The following BPIFC variants were observed in gnomAD, a reference collection of about 807,000 sequenced individuals.
BPIFC encodes the protein BPI fold-containing family C protein.
Under a neutral mutation model 57.6 loss-of-function variants are expected in BPIFC, and 60 were observed. That is an observed-to-expected ratio of 1.04 (90% CI 0.85 to 1.29). The LOEUF (loss-of-function observed/expected upper bound fraction) is 1.29, where lower values mean the gene tolerates loss of function less well. Among genes scored for constraint, BPIFC ranks in the 50% most tolerant of loss-of-function variants. The probability of loss-of-function intolerance (pLI) is 0.00; values close to 1 mark genes in which losing one functional copy is unlikely to be tolerated. For synonymous variants in BPIFC, 243 were observed against 224.5 expected, an observed-to-expected ratio of 1.08 and a Z score of -0.74; for missense variants, 581 against 600.5, an observed-to-expected ratio of 0.97 and a Z score of 0.34.
At chr22:32,446,450 C>A (rs1199135024) in intron 5 of BPIFC, among the ~76,000 whole-genome samples, 1 of 152,132 alleles carries the variant, frequency 6.6e-6, no homozygotes, top group Non-Finnish European at 1.5e-5. Context: ...TAGCATGTGG[C>A]CTGACACAGA....
Position 32,435,715 on chromosome 22 carries a change from A to T in BPIFC, c.913T>A (p.Ser305Thr). 1 of 1,613,710 alleles carries T rather than the reference A, an allele frequency of 6.2e-7. No individual in the cohort carries two copies. The highest frequency in any genetic ancestry group is 8.5e-7 in the Non-Finnish European group (1 of 1,179,798). ...FTAGVFNVTL[S>T]TEEISNHFVQ... ...TTAACTCTCCTCACCTCTTCGGTGG[A>T]GAGAGTGACATTGAAAACCCCAGCT... The change falls in exon 10 of 17, where the codon TCC becomes ACC. Residue 305 changes from serine to threonine, a missense_variant. Coordinates refer to ENST00000300399, the MANE Select transcript of BPIFC (RefSeq NM_174932.3).
chr22:32,462,186 A>AG (rs1568964088), intron 1 of BPIFC, among the ~76,000 whole-genome samples: 1 of 145,388 alleles, frequency 6.9e-6, no homozygotes, highest in Non-Finnish European at 1.5e-5. Flanking sequence ...AAAAAAAAAA[A>AG]AAAAGAAAAA....
At chr22:32,443,927 TAC>T (rs1934641259) in intron 7 of BPIFC, among the ~76,000 whole-genome samples, 1 of 152,142 alleles carries the variant, frequency 6.6e-6, no homozygotes, top group African/African-American at 2.4e-5. Context: ...GTCCCCTAAT[TAC>T]AGATGGGAAA....
intron 13 of BPIFC, among the ~76,000 whole-genome samples, chr22:32,423,577 G>GGTGGGTGGGTGTGTGTGT (rs1556036075): frequency 6.3e-5 from 9 of 143,198 alleles, no homozygotes; most frequent in Admixed American, 2.8e-4. Flanking sequence ...GTAGGGTGTG[G>GGTGGGTGGGTGTGTGTGT]GTGTGTGTGT....
At chr22:32,441,151 C>T (rs1353639053) in intron 8 of BPIFC, among the ~76,000 whole-genome samples, 1 of 152,112 alleles carries the variant, frequency 6.6e-6, no homozygotes, top group African/African-American at 2.4e-5. Flanking sequence ...GATATTCAGC[C>T]TCAGGGTTTT....
chr22:32,463,151 G>T (rs1184808073), intron 1 of BPIFC, among the ~76,000 whole-genome samples: 1 of 152,100 alleles, frequency 6.6e-6, no homozygotes, highest in Non-Finnish European at 1.5e-5. Context: ...AAATTACTGG[G>T]GTATGAAGGG....
chr22:32,437,834 T>G lies in BPIFC; in HGVS notation c.673A>C (p.Asn225His). The change falls in exon 9 of 17, where the codon AAC (asparagine) becomes CAC (histidine). Residue 225 changes from asparagine (N) to histidine (H), a missense_variant. Physicochemically the swap from Asn to His is moderately conservative, Grantham distance 68 (BLOSUM62 1). Coordinates refer to ENST00000300399, the MANE Select transcript of BPIFC (RefSeq NM_174932.3). ...STLEVLTKID[N>H]YTLLDYSLIS... The stretch of plus-strand genomic sequence containing the variant: ...AGGGAGTAATCCAGCAGAGTGTAGT[T>G]GTCAATCTTGGTTAAAACTAAATAA... 2 of 1,610,676 alleles carry G rather than the reference T, an allele frequency of 1.2e-6. No homozygotes were observed. Among genetic ancestry groups the G allele is most frequent in the Non-Finnish European group, 1.7e-6 (2 of 1,177,200 alleles).
At chr22:32,438,401 G>GT (rs1405907261) in intron 8 of BPIFC, among the ~76,000 whole-genome samples, 11 of 151,648 alleles carry the variant, frequency 7.3e-5, no homozygotes, top group South Asian at 2.1e-4. Flanking sequence ...TTTGTTTTTT[G>GT]TTTTTTTTGA....
intron 10 of BPIFC, 49 bp from the exon 11 acceptor site, chr22:32,433,821 T>C (rs1397742041): frequency 1.3e-6 from 2 of 1,493,974 alleles, no homozygotes; most frequent in Middle Eastern, 1.7e-4. Context: ...ACGTGGATTG[T>C]CTTTTCAGGG....
chr22:32,431,358 C>G lies in BPIFC; in HGVS notation c.1206G>C (p.Leu402Phe), dbSNP rs763873663. 18 of 1,611,424 alleles carry G rather than the reference C, an allele frequency of 1.1e-5. 1 individual carries two copies. The South Asian group carries it at 2.0e-4, about 18-fold the overall frequency. The change falls in exon 13 of 17, where the codon TTG becomes TTC. Residue 402 changes from leucine (L) to phenylalanine (F), a missense_variant. Leu to Phe is a conservative substitution (Grantham distance 22, BLOSUM62 0). Transcript: ENST00000300399. ...VILGQRLVCS[L>F]SLNRFRLALP... ...TTGATTGATCTTACCTGTTCAGAGA[C>G]AAGGAGCAGACCAGTCTTTGTCCCA...
intron 4 of BPIFC, 57 bp from the exon 5 acceptor site, chr22:32,447,397 A>G (rs751033593): frequency 3.1e-5 from 49 of 1,571,964 alleles, no homozygotes; most frequent in Non-Finnish European, 4.1e-5. Context: ...TCTTCAGTCA[A>G]GCAAACTTGG....
At chr22:32,433,070 G>A (rs1212395149) in intron 11 of BPIFC, among the ~76,000 whole-genome samples, 4 of 152,176 alleles carry the variant, frequency 2.6e-5, no homozygotes, top group African/African-American at 9.7e-5. Context: ...GGGCATAGTG[G>A]CTTGTGCCTG....
intron 4 of BPIFC, among the ~76,000 whole-genome samples, chr22:32,447,678 T>C (rs1395919800): frequency 6.6e-6 from 1 of 150,486 alleles, no homozygotes; most frequent in African/African-American, 2.4e-5. Context: ...TGATCATAGC[T>C]CACTGCAGCC....
intron 13 of BPIFC, among the ~76,000 whole-genome samples, chr22:32,429,805 G>A (rs1240683431): frequency 1.3e-5 from 2 of 151,918 alleles, no homozygotes; most frequent in African/African-American, 4.8e-5. Context: ...GTGAGCGACC[G>A]CGCCTGGCCA....
intron 6 of BPIFC, 33 bp downstream of exon 6, chr22:32,445,808 C>T (rs377259912): frequency 1.3e-6 from 2 of 1,575,648 alleles, no homozygotes; most frequent in Non-Finnish European, 1.7e-6. Context: ...CAGCCCCTAA[C>T]TAGCCACTGC....
At chr22:32,438,304 G>A (rs1934467795) in intron 8 of BPIFC, among the ~76,000 whole-genome samples, 1 of 152,196 alleles carries the variant, frequency 6.6e-6, no homozygotes, top group African/African-American at 2.4e-5. Flanking sequence ...ACTGCAGAAG[G>A]CAAAACTGCA....
In BPIFC at chr22:32,424,684, T is replaced by TTCCTCCTCTTCTTCCTCC. The variant is rs1569448076; in HGVS notation, c.1218-5281_1218-5280insGGAGGAAGAAGAGGAGGA. 6.5e-5 allele frequency among the ~76,000 whole-genome samples: 6 copies of TTCCTCCTCTTCTTCCTCC among 91,786 alleles called. 1 individual carries two copies. The highest frequency in any genetic ancestry group is 2.8e-4 in the African/African-American group (4 of 14,450). 60.2% of individuals were successfully genotyped at this position (91,786 alleles called of 152,430 possible). On this transcript the variant is annotated intron_variant, in intron 13 of 16. Transcript: ENST00000300399. ...CTTCTTCTTCTTCTTCTTCTTCTTC[T>TTCCTCCTCTTCTTCCTCC]TCTTCTTCCTCTTCTTCTTCCTCTT...
chr22:32,417,028 G>T, intron 15 of BPIFC, 57 bp downstream of exon 15: 2 of 1,350,168 alleles, frequency 1.5e-6, no homozygotes, highest in Non-Finnish European at 2.1e-6. Flanking sequence ...TGCAGCCGAT[G>T]CAGATGTTAA....
intron 10 of BPIFC, among the ~76,000 whole-genome samples, chr22:32,434,992 A>AATG (rs3070420): frequency 0.8 from 121,834 of 151,746 alleles, 48,945 homozygotes; most frequent in South Asian, 0.88. Context: ...TACAGGGAAT[A>AATG]ATGATGACAA....
Sources: allele counts gnomAD v4.1 joint callset (sites outside exome capture counted in the v4.1 genomes callset), GRCh38; gene constraint gnomAD v4.1.1; transcripts MANE v1.5; gene names NCBI Gene and HGNC (gene_info 2026-07-23, HGNC 2026-07-21).